PRKAR2B: variants seen among roughly 807,000 people sequenced by gnomAD.
PRKAR2B encodes the protein cAMP-dependent protein kinase type II-beta regulatory subunit.
Under a neutral mutation model 49.9 loss-of-function variants are expected in PRKAR2B, and 14 were observed. That is an observed-to-expected ratio of 0.28 (90% CI 0.19 to 0.44). PRKAR2B has a LOEUF of 0.44. Among genes scored for constraint, PRKAR2B ranks in the 20% least tolerant of loss-of-function variants. The pLI is 1.00. For missense variants in PRKAR2B, 393 were observed against 537.9 expected, an observed-to-expected ratio of 0.73 and a Z score of 2.67; for synonymous variants, 196 against 197.7, an observed-to-expected ratio of 0.99 and a Z score of 0.07.
chr7:107,109,644 A>G (rs1178319368), intron 2 of PRKAR2B, among the ~76,000 whole-genome samples: 1 of 152,144 alleles, frequency 6.6e-6, no homozygotes, highest in Non-Finnish European at 1.5e-5. Context: ...AAATAGAAAA[A>G]TAAGAATATC....
At chr7:107,080,269 GTGGT>G (rs1794490672) in intron 2 of PRKAR2B, among the ~76,000 whole-genome samples, 1 of 152,164 alleles carries the variant, frequency 6.6e-6, no homozygotes, top group Non-Finnish European at 1.5e-5. Flanking sequence ...TGTGCAGGAA[GTGGT>G]ACCGTCTAAG....
chr7:107,150,627 C>G (rs1449398920), intron 6 of PRKAR2B, among the ~76,000 whole-genome samples: 1 of 150,898 alleles, frequency 6.6e-6, no homozygotes, highest in Non-Finnish European at 1.5e-5. Flanking sequence ...GTGACAGCGC[C>G]TCCTTGTGGG....
intron 10 of PRKAR2B, among the ~76,000 whole-genome samples, chr7:107,157,592 C>T (rs113632479): frequency 0.013 from 2,033 of 152,262 alleles, 50 homozygotes; most frequent in African/African-American, 0.045. Flanking sequence ...CCAAGTACCA[C>T]GTTTTATATG....
chr7:107,140,920 G>T lies in PRKAR2B; in HGVS notation c.554G>T (p.Gly185Val). 6.2e-7 allele frequency: 1 copy of T among 1,613,044 alleles called. No homozygotes were observed. Among genetic ancestry groups the T allele is most frequent in the Non-Finnish European group, 8.5e-7 (1 of 1,179,428 alleles). Residue 185 changes from glycine (G) to valine (V), a missense_variant, in exon 5 of 11, where the codon GGT becomes GTT. Around this residue, in one of 2 missense-constraint regions of PRKAR2B, gnomAD observed 233 missense variants for 390.4 expected, o/e 0.60. Coordinates refer to ENST00000265717, the MANE Select transcript of PRKAR2B (RefSeq NM_002736.3). Reference sequence around the variant, plus strand: ...GATGGGGAGCATGTAATTGATCAAGGTGACGATGGTGACAACTTTTATGTA... The same window carrying T: ...GATGGGGAGCATGTAATTGATCAAGTTGACGATGGTGACAACTTTTATGTA... The part of the protein sequence containing the change: ...VKDGEHVIDQ[G>V]DDGDNFYVID...
At chr7:107,147,734 TA>T (rs1795918832) in intron 6 of PRKAR2B, among the ~76,000 whole-genome samples, 2 of 152,246 alleles carry the variant, frequency 1.3e-5, no homozygotes, top group Admixed American at 6.5e-5. Context: ...TATTTTCTTT[TA>T]AAATTGTTGA....
In PRKAR2B at chr7:107,159,640, C is replaced by T. The variant is rs1362459472; in HGVS notation, c.*58C>T. On this transcript the variant is annotated 3_prime_UTR_variant, in exon 11 of 11. Transcript: ENST00000265717. Reference sequence around the variant, plus strand: ...AAATTACACAGTAGTGGTTAGTCCACTGAGAATGTGTTTGTGTAGATGCCA... The same window carrying T: ...AAATTACACAGTAGTGGTTAGTCCATTGAGAATGTGTTTGTGTAGATGCCA... 6.4e-7 allele frequency: 1 copy of T among 1,563,734 alleles called. No homozygotes were observed. Among genetic ancestry groups the T allele is most frequent in the African/African-American group, 1.4e-5 (1 of 73,658 alleles).
intron 1 of PRKAR2B, among the ~76,000 whole-genome samples, chr7:107,049,617 C>CT (rs766573303): frequency 3.1e-3 from 458 of 148,828 alleles, no homozygotes; most frequent in Middle Eastern, 0.014. Context: ...GAGTTATATA[C>CT]TTTTTTTTTT....
intron 1 of PRKAR2B, chr7:107,070,064 G>A: frequency 2.6e-6 from 1 of 386,558 alleles, no homozygotes; most frequent in Non-Finnish European, 4.6e-6. Flanking sequence ...TTAATTTAAA[G>A]TGCTAATTTA....
At chr7:107,079,071 G>A (rs1181027052) in intron 2 of PRKAR2B, among the ~76,000 whole-genome samples, 1 of 152,172 alleles carries the variant, frequency 6.6e-6, no homozygotes, top group Non-Finnish European at 1.5e-5. Flanking sequence ...AGGGGTCGGG[G>A]AGTTAGATCT....
At chr7:107,073,463 C>T (rs1393881456) in intron 2 of PRKAR2B, among the ~76,000 whole-genome samples, 3 of 152,096 alleles carry the variant, frequency 2.0e-5, no homozygotes, top group Non-Finnish European at 4.4e-5. Context: ...CAGCATCTTA[C>T]TTGGTACAGG....
chr7:107,070,319 A>G lies in PRKAR2B; in HGVS notation c.343+3A>G. The G allele has an allele frequency of 6.2e-7, 1 of 1,600,050 alleles. No individual in the cohort carries two copies. Among genetic ancestry groups the G allele is most frequent in the Non-Finnish European group, 8.6e-7 (1 of 1,169,006 alleles). ...CCGATTCACAAGGCGTGCCTCAGGTAAGTCTGATTATATTATGGATTTTGT... is the reference window on the plus strand; with the variant it reads ...CCGATTCACAAGGCGTGCCTCAGGTGAGTCTGATTATATTATGGATTTTGT... On this transcript the variant is annotated splice_donor_region_variant and intron_variant, in intron 2 of 10. Transcript: ENST00000265717.
intron 2 of PRKAR2B, chr7:107,077,086 G>A (rs1794413296): frequency 6.6e-6 from 1 of 151,940 alleles, no homozygotes; most frequent in African/African-American, 2.4e-5. Context: ...TTTTTCCAGA[G>A]GTCATTTCTA....
At position 107,159,580 on chromosome 7, in the gene PRKAR2B, T is replaced by G. The variant is rs764908290; in HGVS notation, c.1255T>G (p.Ter419GlyextTer9). Residue 419 changes from the stop codon to glycine (G), a stop_lost, in exon 11 of 11, where the codon TGA becomes GGA. Transcript: ENST00000265717. ...TNMDIVEPTA* is the reference protein window; with the variant it reads ...TNMDIVEPTAG ...CATGGATATTGTTGAACCCACTGCA[T>G]GAAGCAAAAGTATGGAGCAAGACCT... 3.1e-6 allele frequency: 5 copies of G among 1,614,032 alleles called. No individual in the cohort carries two copies. The South Asian group carries it at 5.5e-5, about 18-fold the overall frequency.
chr7:107,064,688 A>G (rs1562844019), intron 1 of PRKAR2B, among the ~76,000 whole-genome samples: 1 of 152,198 alleles, frequency 6.6e-6, no homozygotes, highest in African/African-American at 2.4e-5. Context: ...CTGAATCTCA[A>G]CAAATTCCTA....
At chr7:107,089,253 T>A (rs868793998) in intron 2 of PRKAR2B, among the ~76,000 whole-genome samples, 2 of 152,150 alleles carry the variant, frequency 1.3e-5, no homozygotes, top group Admixed American at 6.5e-5. Flanking sequence ...AAAGGTCATA[T>A]AATAAGTGGC....
intron 6 of PRKAR2B, among the ~76,000 whole-genome samples, chr7:107,146,829 C>T (rs182665962): frequency 6.6e-6 from 1 of 152,302 alleles, no homozygotes; most frequent in East Asian, 1.9e-4. Flanking sequence ...GTTGTGGCTC[C>T]CAGAGTGTGG....
At chr7:107,065,080 A>G (rs1221740915) in intron 1 of PRKAR2B, among the ~76,000 whole-genome samples, 1 of 152,218 alleles carries the variant, frequency 6.6e-6, no homozygotes. Context: ...CATGGTTTCA[A>G]TTTACACAGT....
At chr7:107,092,119 C>T (rs1584422951) in intron 2 of PRKAR2B, among the ~76,000 whole-genome samples, 1 of 152,068 alleles carries the variant, frequency 6.6e-6, no homozygotes, top group East Asian at 1.9e-4. Flanking sequence ...AATATGTGGG[C>T]TTTATTATAG....
intron 2 of PRKAR2B, among the ~76,000 whole-genome samples, chr7:107,081,271 A>G (rs1794509580): frequency 1.3e-5 from 2 of 152,192 alleles, no homozygotes; most frequent in Admixed American, 6.5e-5. Context: ...AGCTTTTTAG[A>G]TGAAAACAGA....
Sources: allele counts gnomAD v4.1 joint callset (sites outside exome capture counted in the v4.1 genomes callset), GRCh38; gene constraint gnomAD v4.1.1; regional missense constraint gnomAD v4.1.1; transcripts MANE v1.5; gene names NCBI Gene and HGNC (gene_info 2026-07-23, HGNC 2026-07-21).